Variants in ARHGAP10 observed in about 807,000 individuals in gnomAD.
The protein encoded by ARHGAP10 is Rho GTPase activating protein 10, also known as rho GTPase-activating protein 10.
In ARHGAP10, 87 loss-of-function variants were observed where a neutral mutation model predicts 108.6. That is an observed-to-expected ratio of 0.80 (90% CI 0.67 to 0.96). The LOEUF is 0.96. ARHGAP10 is among the 40% of genes least tolerant of loss of function. The pLI is 0.00. For missense variants in ARHGAP10, 939 were observed against 954.5 expected (o/e 0.98, Z 0.21); for synonymous variants, 347 against 341.1 (o/e 1.02, Z -0.19).
intron 3 of ARHGAP10, 135 bp from the exon 4 acceptor site, chr4:147,847,016 T>A: frequency 1.6e-6 from 1 of 629,792 alleles, no homozygotes; most frequent in Non-Finnish European, 2.7e-6. Context: ...AATTGTTGCA[T>A]TGGCAGAGTG....
At chr4:147,887,651 CAGGAGTGCAAGAGCAGCCTGACCG>C (rs1735625560) in intron 10 of ARHGAP10, among the ~76,000 whole-genome samples, 1 of 152,060 alleles carries the variant, frequency 6.6e-6, no homozygotes, top group Non-Finnish European at 1.5e-5. Flanking sequence ...CACCTGAGGT[CAGGAGTGCAAGAGCAGCCTGACCG>C]ATATGGTTAA....
chr4:147,817,197 G>A (rs994190297), intron 1 of ARHGAP10, among the ~76,000 whole-genome samples: 1 of 152,068 alleles, frequency 6.6e-6, no homozygotes, highest in Non-Finnish European at 1.5e-5. Flanking sequence ...ATTTCTAAAA[G>A]CATCCCCATT....
Position 147,878,839 on chromosome 4 carries a change from C to T in ARHGAP10, c.833-393C>T, listed in dbSNP as rs1288471404. Among the ~76,000 whole-genome samples the T allele has an allele frequency of 1.0e-4, 15 of 146,660 alleles. No homozygotes were observed. The South Asian group carries it at 1.5e-3, about 15-fold the overall frequency. On this transcript the variant is annotated intron_variant, in intron 8 of 22. Transcript: ENST00000336498. ...TTGCCCAGGCTGGAGCGCAGTGGCG[C>T]GATCTCGGCTCACTGCAAGCTCTGC...
At chr4:147,910,473 C>G (rs955004159) in intron 12 of ARHGAP10, among the ~76,000 whole-genome samples, 1 of 152,170 alleles carries the variant, frequency 6.6e-6, no homozygotes, top group African/African-American at 2.4e-5. Context: ...TGGGTAAGAG[C>G]TGTTTATATC....
intron 1 of ARHGAP10, among the ~76,000 whole-genome samples, chr4:147,811,574 A>T (rs1732019128): frequency 1.5e-5 from 2 of 134,656 alleles, no homozygotes; most frequent in African/African-American, 2.5e-5. Flanking sequence ...ACTGACAAAT[A>T]TGCAATGGCT....
At chr4:147,795,611 G>T (rs1467555961) in intron 1 of ARHGAP10, among the ~76,000 whole-genome samples, 3 of 151,978 alleles carry the variant, frequency 2.0e-5, no homozygotes, top group Non-Finnish European at 4.4e-5. Flanking sequence ...TTGGTACGTA[G>T]TAGGTGCTCA....
chr4:147,961,092 A>G (rs781497406), intron 16 of ARHGAP10, among the ~76,000 whole-genome samples: 5 of 152,150 alleles, frequency 3.3e-5, no homozygotes, highest in Non-Finnish European at 7.3e-5. Flanking sequence ...GGTCGGTCAT[A>G]GGGTATGTGT....
At chr4:147,980,163 G>A (rs1312393671) in intron 18 of ARHGAP10, among the ~76,000 whole-genome samples, 2 of 152,198 alleles carry the variant, frequency 1.3e-5, no homozygotes, top group Non-Finnish European at 1.5e-5. Context: ...GATGCTGGCT[G>A]TGGGTTCATC....
chr4:147,813,704 A>G (rs1290192770), intron 1 of ARHGAP10, among the ~76,000 whole-genome samples: 3 of 152,230 alleles, frequency 2.0e-5, no homozygotes, highest in African/African-American at 7.2e-5. Flanking sequence ...AGAAGATCTC[A>G]GACATAGCTG....
In ARHGAP10 at chr4:147,961,490, C is replaced by T. The variant is rs1350096778; in HGVS notation, c.1451-3534C>T. On this transcript the variant is annotated intron_variant, in intron 16 of 22. Coordinates refer to ENST00000336498, the MANE Select transcript of ARHGAP10 (RefSeq NM_024605.4). ...GATATTTAGTACTTTGTACTAAGGT[C>T]ATTTTCTCTGTGTTGTCCAAGATTT... Among the ~76,000 whole-genome samples, 4 of 152,026 alleles carry T rather than the reference C, an allele frequency of 2.6e-5. No individual in the cohort carries two copies. The East Asian group carries it at 7.7e-4, about 29-fold the overall frequency.
chr4:147,997,821 C>T (rs1740537275), intron 18 of ARHGAP10, among the ~76,000 whole-genome samples: 1 of 152,108 alleles, frequency 6.6e-6, no homozygotes, highest in Non-Finnish European at 1.5e-5. Flanking sequence ...ACTTTTTTCT[C>T]ATCCATAATA....
intron 18 of ARHGAP10, among the ~76,000 whole-genome samples, chr4:147,988,960 C>T (rs1356988158): frequency 2.0e-5 from 3 of 152,166 alleles, no homozygotes; most frequent in Admixed American, 2.0e-4. Flanking sequence ...ATGTAAGATA[C>T]CCACCTTCCA....
intron 1 of ARHGAP10, among the ~76,000 whole-genome samples, chr4:147,769,233 G>A (rs944126842): frequency 1.3e-5 from 2 of 151,936 alleles, no homozygotes; most frequent in African/African-American, 4.8e-5. Context: ...TGAAGAAGAA[G>A]GAAAAATGAA....
At chr4:147,856,742 A>G (rs778614390) in intron 4 of ARHGAP10, among the ~76,000 whole-genome samples, 2 of 152,246 alleles carry the variant, frequency 1.3e-5, no homozygotes, top group African/African-American at 2.4e-5. Context: ...TAAGCATTTC[A>G]GAGAAGGGAT....
chr4:148,063,003 G>A (rs1232684688), intron 20 of ARHGAP10, 145 bp from the exon 21 acceptor site: 5 of 1,004,194 alleles, frequency 5.0e-6, no homozygotes, highest in African/African-American at 1.6e-5. Context: ...CTGCAGCCCC[G>A]GCAGGATGCA....
intron 10 of ARHGAP10, among the ~76,000 whole-genome samples, chr4:147,899,334 T>A (rs891482356): frequency 5.9e-5 from 9 of 151,838 alleles, no homozygotes; most frequent in Admixed American, 5.2e-4. Flanking sequence ...CATGCGTGTG[T>A]GTGTGTGTGT....
chr4:148,028,487 G>A (rs968437025), intron 19 of ARHGAP10, among the ~76,000 whole-genome samples: 2 of 152,202 alleles, frequency 1.3e-5, no homozygotes, highest in African/African-American at 4.8e-5. Flanking sequence ...GAGGATGGTT[G>A]AGAAGGTTCA....
At chr4:147,780,254 C>T (rs756583468) in intron 1 of ARHGAP10, among the ~76,000 whole-genome samples, 4 of 152,108 alleles carry the variant, frequency 2.6e-5, no homozygotes, top group South Asian at 2.1e-4. Flanking sequence ...GAGCTGGTCC[C>T]GTGTCTGGAT....
intron 16 of ARHGAP10, among the ~76,000 whole-genome samples, chr4:147,958,679 G>T (rs1738878913): frequency 6.6e-6 from 1 of 152,202 alleles, no homozygotes; most frequent in Non-Finnish European, 1.5e-5. Context: ...TGCAACACTT[G>T]ATGTCTGTTG....
Sources: allele counts gnomAD v4.1 joint callset (sites outside exome capture counted in the v4.1 genomes callset), GRCh38; gene constraint gnomAD v4.1.1; transcripts MANE v1.5; gene names NCBI Gene and HGNC (gene_info 2026-07-23, HGNC 2026-07-21).